Variants in ZBTB16 observed in about 807,000 individuals in gnomAD.
The protein encoded by ZBTB16 is zinc finger and BTB domain containing 16, also known as zinc finger and BTB domain-containing protein 16.
In ZBTB16, 8 loss-of-function variants were observed where a neutral mutation model predicts 56.8. The observed-to-expected ratio is 0.14, with a 90% confidence interval of 0.08 to 0.25. The LOEUF is 0.25. ZBTB16 is among the 10% of genes least tolerant of loss of function. ZBTB16 has a pLI of 1.00. For synonymous variants in ZBTB16, 363 were observed against 368.5 expected, an observed-to-expected ratio of 0.98 and a Z score of 0.17; for missense variants, 625 against 903.0, an observed-to-expected ratio of 0.69 and a Z score of 3.95.
intron 2 of ZBTB16, among the ~76,000 whole-genome samples, chr11:114,140,005 C>G (rs1475879207): frequency 6.6e-6 from 1 of 152,182 alleles, no homozygotes; most frequent in Admixed American, 6.5e-5. Context: ...CGGTCAAGAA[C>G]GAACAATGCT....
intron 2 of ZBTB16, among the ~76,000 whole-genome samples, chr11:114,122,602 A>G (rs991994332): frequency 2.0e-5 from 3 of 152,182 alleles, no homozygotes; most frequent in Non-Finnish European, 4.4e-5. Context: ...GAGCGGAACT[A>G]AGAATGAACT....
At chr11:114,165,476 T>C (rs1942723050) in intron 3 of ZBTB16, among the ~76,000 whole-genome samples, 1 of 152,240 alleles carries the variant, frequency 6.6e-6, no homozygotes, top group Non-Finnish European at 1.5e-5. Context: ...CACATACTCA[T>C]GCCCTAGCAA....
chr11:114,223,358 G>C (rs1331411499), intron 4 of ZBTB16, among the ~76,000 whole-genome samples: 1 of 152,166 alleles, frequency 6.6e-6, no homozygotes, highest in African/African-American at 2.4e-5. Flanking sequence ...GGACTCAGAA[G>C]CCTGCAACTC....
intron 2 of ZBTB16, among the ~76,000 whole-genome samples, chr11:114,126,267 C>T (rs1419833985): frequency 6.6e-6 from 1 of 152,226 alleles, no homozygotes; most frequent in East Asian, 1.9e-4. Flanking sequence ...GAATCTGCTG[C>T]TCTGTATTGA....
intron 2 of ZBTB16, among the ~76,000 whole-genome samples, chr11:114,140,054 C>T (rs905400982): frequency 1.3e-5 from 2 of 151,872 alleles, no homozygotes; most frequent in African/African-American, 4.9e-5. Flanking sequence ...CTCTTTTCTC[C>T]ATTAGCTTTC....
chr11:114,179,167 G>T (rs1943187494), intron 3 of ZBTB16, among the ~76,000 whole-genome samples: 1 of 152,276 alleles, frequency 6.6e-6, no homozygotes. Context: ...GCCAGGATTT[G>T]CTCACCTGCT....
intron 3 of ZBTB16, among the ~76,000 whole-genome samples, chr11:114,172,995 C>T (rs1374116802): frequency 1.3e-5 from 2 of 152,094 alleles, no homozygotes; most frequent in African/African-American, 4.8e-5. Flanking sequence ...ATGTCAGTGC[C>T]GTAGTTGTAA....
At chr11:114,103,160 G>C (rs933094207) in intron 2 of ZBTB16, among the ~76,000 whole-genome samples, 1 of 152,238 alleles carries the variant, frequency 6.6e-6, no homozygotes, top group African/African-American at 2.4e-5. Flanking sequence ...GGCTGAGGGA[G>C]CCTTGAGGCC....
At chr11:114,205,481 GTCAGA>G (rs1223893490) in intron 4 of ZBTB16, among the ~76,000 whole-genome samples, 1 of 152,114 alleles carries the variant, frequency 6.6e-6, no homozygotes, top group African/African-American at 2.4e-5. Flanking sequence ...GTAGGTTTGG[GTCAGA>G]CGCAATGTTC....
chr11:114,104,317 G>A (rs897214164), intron 2 of ZBTB16, among the ~76,000 whole-genome samples: 2 of 152,192 alleles, frequency 1.3e-5, no homozygotes, highest in Admixed American at 1.3e-4. Context: ...GCATGTGCGA[G>A]CCTGTAGACA....
intron 2 of ZBTB16, among the ~76,000 whole-genome samples, chr11:114,082,636 G>C (rs1306295366): frequency 6.6e-6 from 1 of 152,012 alleles, no homozygotes; most frequent in African/African-American, 2.4e-5. Flanking sequence ...TTTAGTGCGT[G>C]ATCATCAGCT....
intron 2 of ZBTB16, among the ~76,000 whole-genome samples, chr11:114,113,595 G>A (rs2073846): frequency 0.16 from 24,528 of 152,232 alleles, 2,447 homozygotes; most frequent in East Asian, 0.27. Context: ...TGTAGGGCAA[G>A]TAGGAGTAAG....
intron 2 of ZBTB16, among the ~76,000 whole-genome samples, chr11:114,108,448 G>A (rs981058093): frequency 5.9e-5 from 9 of 152,178 alleles, no homozygotes; most frequent in Non-Finnish European, 1.0e-4. Flanking sequence ...ATGGCCACGG[G>A]CTTATTTGCA....
intron 3 of ZBTB16, among the ~76,000 whole-genome samples, chr11:114,164,621 T>A (rs1942690782): frequency 6.6e-6 from 1 of 152,204 alleles, no homozygotes. Flanking sequence ...TCGTCTTCCC[T>A]TGGCTTCGCA....
At chr11:114,124,197 C>A (rs536316413) in intron 2 of ZBTB16, among the ~76,000 whole-genome samples, 3 of 152,012 alleles carry the variant, frequency 2.0e-5, no homozygotes, top group Non-Finnish European at 4.4e-5. Context: ...GCCCTCATTG[C>A]GGGGTCAGGG....
At chr11:114,149,484 G>C (rs905792492) in intron 2 of ZBTB16, among the ~76,000 whole-genome samples, 1 of 152,152 alleles carries the variant, frequency 6.6e-6, no homozygotes, top group African/African-American at 2.4e-5. Flanking sequence ...CAGCATGGAA[G>C]GTGTTAACTA....
intron 5 of ZBTB16, among the ~76,000 whole-genome samples, chr11:114,245,525 A>T (rs1335653392): frequency 6.6e-6 from 1 of 152,096 alleles, no homozygotes; most frequent in African/African-American, 2.4e-5. Flanking sequence ...ATGAGAATTT[A>T]TGTGGGTACA....
At chr11:114,159,286 T>C (rs1247596781) in intron 3 of ZBTB16, among the ~76,000 whole-genome samples, 1 of 152,140 alleles carries the variant, frequency 6.6e-6, no homozygotes, top group Admixed American at 6.5e-5. Flanking sequence ...GGTCCTCTTT[T>C]CCTAGTTTTT....
intron 4 of ZBTB16, among the ~76,000 whole-genome samples, chr11:114,222,659 TGTTCACCTCTTA>T (rs759217507): frequency 8.5e-5 from 13 of 152,174 alleles, no homozygotes; most frequent in African/African-American, 1.2e-4. Flanking sequence ...GACAAAAGCC[TGTTCACCTCTTA>T]AAAGAAGCCC....
Sources: allele counts gnomAD v4.1 joint callset (sites outside exome capture counted in the v4.1 genomes callset), GRCh38; gene constraint gnomAD v4.1.1; transcripts MANE v1.5; gene names NCBI Gene and HGNC (gene_info 2026-07-23, HGNC 2026-07-21).